Variants in ACACA observed in about 807,000 individuals in gnomAD.
ACACA encodes the protein acetyl-CoA carboxylase alpha, also known as acetyl-CoA carboxylase 1.
In ACACA, 103 loss-of-function variants were observed where a neutral mutation model predicts 296.1. The ratio of observed to expected loss-of-function variants is 0.35; its 90% CI spans 0.30 to 0.41. The LOEUF (loss-of-function observed/expected upper bound fraction) is 0.41. Among genes scored for constraint, ACACA ranks in the 10% least tolerant of loss-of-function variants. ACACA has a pLI of 1.00. For synonymous variants in ACACA, 953 were observed against 1,038.6 expected (o/e 0.92, Z 1.58); for missense variants, 1,554 against 2,989.7 (o/e 0.52, Z 11.20).
intron 37 of ACACA, 21 bp from the exon 38 acceptor site, chr17:37,191,296 C>A: frequency 6.2e-7 from 1 of 1,609,958 alleles, no homozygotes. Flanking sequence ...AGAAAATAAT[C>A]AACATTAATG....
intron 3 of ACACA, among the ~76,000 whole-genome samples, chr17:37,322,814 G>A (rs1228410171): frequency 6.6e-6 from 1 of 152,150 alleles, no homozygotes; most frequent in African/African-American, 2.4e-5. Flanking sequence ...CGGCCTCCAG[G>A]AGCCCTGATT....
At chr17:37,145,235 A>C (rs993425544) in intron 45 of ACACA, among the ~76,000 whole-genome samples, 3 of 152,218 alleles carry the variant, frequency 2.0e-5, no homozygotes, top group African/African-American at 7.2e-5. Context: ...AAATAGACTT[A>C]AGAGTTTATG....
intron 50 of ACACA, among the ~76,000 whole-genome samples, chr17:37,116,722 C>G (rs1249923448): frequency 6.6e-6 from 1 of 152,144 alleles, no homozygotes; most frequent in Non-Finnish European, 1.5e-5. Context: ...CTGCAGCTGC[C>G]CCAAACCACT....
At position 37,173,996 on chromosome 17, in the gene ACACA, ATATATATATATATATATATATATATT is replaced by A. The variant is rs1257748697; in HGVS notation, c.5079+5238_5079+5263del. Among the ~76,000 whole-genome samples, 10 of 8,598 alleles carry A rather than the reference ATATATATATATATATATATATATATT, an allele frequency of 1.2e-3. 1 individual carries two copies. Among genetic ancestry groups the A allele is most frequent in the East Asian group, 3.3e-3 (2 of 600 alleles). 5.6% of individuals were successfully genotyped at this position (8,598 alleles called of 152,430 possible). On this transcript the variant is annotated intron_variant, in intron 41 of 55. Transcript: ENST00000616317. ...GCCTGGCTAATTTATATATATATAT[ATATATATATATATATATATATATATT>A]TTTTTTTTTTTTTTTTTTTGTAGCG...
chr17:37,216,414 A>G (rs938764836), intron 29 of ACACA, among the ~76,000 whole-genome samples: 2 of 152,086 alleles, frequency 1.3e-5, no homozygotes, highest in African/African-American at 4.8e-5. Context: ...AAAAAAATTT[A>G]GAAGTCTTGG....
intron 45 of ACACA, chr17:37,141,306 C>T: frequency 1.9e-6 from 1 of 514,978 alleles, no homozygotes; most frequent in South Asian, 1.5e-5. Flanking sequence ...ATTCCTTGCC[C>T]TCAGCCTTGC....
At chr17:37,219,325 T>C (rs910534228) in intron 29 of ACACA, among the ~76,000 whole-genome samples, 1 of 152,292 alleles carries the variant, frequency 6.6e-6, no homozygotes, top group South Asian at 2.1e-4. Context: ...CATCCCACAC[T>C]TCACCCTAAG....
At chr17:37,383,930 C>A (rs2050414700) in intron 1 of ACACA, among the ~76,000 whole-genome samples, 1 of 152,160 alleles carries the variant, frequency 6.6e-6, no homozygotes, top group African/African-American at 2.4e-5. Flanking sequence ...GAATTTAAAT[C>A]TCCACTCAAT....
At chr17:37,358,975 G>C (rs912743319) in intron 1 of ACACA, 7 of 985,556 alleles carry the variant, frequency 7.1e-6, no homozygotes, top group African/African-American at 1.7e-5. Context: ...CCGGTCACAG[G>C]TTCTGGGCCG....
intron 1 of ACACA, among the ~76,000 whole-genome samples, chr17:37,372,067 A>T (rs974154040): frequency 3.9e-5 from 6 of 152,128 alleles, no homozygotes; most frequent in Non-Finnish European, 7.3e-5. Context: ...TAAATTTTTT[A>T]AATTTAAAAA....
At chr17:37,170,719 T>C (rs1475467732) in intron 41 of ACACA, among the ~76,000 whole-genome samples, 1 of 152,234 alleles carries the variant, frequency 6.6e-6, no homozygotes, top group Non-Finnish European at 1.5e-5. Flanking sequence ...ATGGTGCCCA[T>C]AAATGCCATT....
At chr17:37,170,872 AAAC>A (rs1183574358) in intron 41 of ACACA, among the ~76,000 whole-genome samples, 1 of 152,350 alleles carries the variant, frequency 6.6e-6, no homozygotes, top group Admixed American at 6.5e-5. Flanking sequence ...CTACAAAATA[AAAC>A]AACAATATTA....
rs969689746 is a variant in ACACA at position 37,406,285 on chromosome 17, A to G, written c.15T>C (p.Thr5=). The change falls in exon 1 of 56, where the codon ACT becomes ACC. Residue 5 remains threonine (T), a synonymous_variant. Transcript: ENST00000616317. ...ACCTAGCCCTCAAGATTGACATCAG[A>G]GTAGACCACCACATCCTCTCATCAT... MWWS[T]LMSILRARSF... 1.2e-6 allele frequency: 2 copies of G among 1,614,204 alleles called. No homozygotes were observed. Among genetic ancestry groups the G allele is most frequent in the Non-Finnish European group, 1.7e-6 (2 of 1,180,018 alleles).
At chr17:37,292,873 G>GA (rs769041833) in intron 3 of ACACA, among the ~76,000 whole-genome samples, 8 of 151,932 alleles carry the variant, frequency 5.3e-5, no homozygotes, top group South Asian at 2.1e-4. Context: ...CAAAAAAAAA[G>GA]AAATTGACTC....
chr17:37,348,733 G>A (rs1043778303), intron 1 of ACACA, among the ~76,000 whole-genome samples: 8 of 151,776 alleles, frequency 5.3e-5, no homozygotes, highest in South Asian at 2.1e-4. Context: ...AGGCAGAGAC[G>A]GGCGGATCAC....
Position 37,285,931 on chromosome 17 carries a change from G to A in ACACA, c.339-961C>T, listed in dbSNP as rs147169351. Among the ~76,000 whole-genome samples the A allele has an allele frequency of 4.6e-5, 7 of 152,060 alleles. No homozygotes were observed. In the East Asian group the frequency reaches 9.7e-4, roughly 21 times the overall value. Reference sequence around the variant, plus strand: ...TTTTGAGCCAGAGTCTCACTCTGTCGCCCAGGTTGGAATGCACTGGCCAGA... The same window carrying A: ...TTTTGAGCCAGAGTCTCACTCTGTCACCCAGGTTGGAATGCACTGGCCAGA... On this transcript the variant is annotated intron_variant, in intron 3 of 55. Coordinates refer to ENST00000616317, the MANE Select transcript of ACACA (RefSeq NM_198834.3).
In ACACA at chr17:37,229,865, G is replaced by A. The variant is rs543955522; in HGVS notation, c.3247-3413C>T. Among the ~76,000 whole-genome samples the A allele has an allele frequency of 1.8e-3, 269 of 150,418 alleles. 1 individual carries two copies. The highest frequency in any genetic ancestry group is 5.9e-3 in the East Asian group (29 of 4,904). ...TGGGCGGATTACCTGAGGTCAGTTC[G>A]AGACCAGCCTGACCAACATGATGAA... On this transcript the variant is annotated intron_variant, in intron 25 of 55. Transcript: ENST00000616317.
intron 50 of ACACA, among the ~76,000 whole-genome samples, chr17:37,114,018 T>C (rs1051497104): frequency 2.6e-5 from 4 of 152,052 alleles, no homozygotes; most frequent in African/African-American, 9.7e-5. Context: ...TGAGAACCTG[T>C]CTCTACAAAT....
intron 42 of ACACA, among the ~76,000 whole-genome samples, 182 bp from the exon 43 acceptor site, chr17:37,155,962 AT>A (rs2076225295): frequency 6.7e-6 from 1 of 148,960 alleles, no homozygotes; most frequent in East Asian, 2.0e-4. Flanking sequence ...TGAAGTGCCT[AT>A]TTTTTCACTC....
Sources: gnomAD v4.1 joint callset for allele counts (sites outside exome capture counted in the v4.1 genomes callset) on GRCh38, gnomAD v4.1.1 for gene constraint, MANE v1.5 for transcripts, NCBI Gene and HGNC (gene_info 2026-07-23, HGNC 2026-07-21) for gene names.